Variants in KIAA1328 observed in about 807,000 individuals in gnomAD.
KIAA1328 encodes KIAA1328.
KIAA1328 carries 52 observed loss-of-function variants against 68.1 expected under a neutral mutation model. The observed-to-expected ratio is 0.76, with a 90% CI of 0.61 to 0.96. The LOEUF is 0.96. Among genes scored for constraint, KIAA1328 ranks in the 40% least tolerant of loss-of-function variants. The pLI, the probability that KIAA1328 is intolerant of heterozygous loss-of-function variation, is 0.00. For synonymous variants in KIAA1328, 232 were observed against 239.4 expected (o/e 0.97, Z 0.28); for missense variants, 641 against 677.6 (o/e 0.95, Z 0.60).
At chr18:37,038,162 G>A (rs557809277) in intron 6 of KIAA1328, among the ~76,000 whole-genome samples, 2 of 152,012 alleles carry the variant, frequency 1.3e-5, no homozygotes, top group Admixed American at 1.3e-4. Context: ...CTAGCCCACA[G>A]GTAGCCTTTT....
intron 6 of KIAA1328, among the ~76,000 whole-genome samples, chr18:36,978,214 C>T (rs2052547198): frequency 1.3e-5 from 2 of 152,204 alleles, no homozygotes; most frequent in Non-Finnish European, 2.9e-5. Flanking sequence ...TGAATTCTGA[C>T]AACTACTGTG....
intron 7 of KIAA1328, among the ~76,000 whole-genome samples, chr18:37,143,521 C>CTTTTTTTTTTTTTTTTTTTTTTT (rs57046567): frequency 1.4e-4 from 13 of 90,782 alleles, no homozygotes; most frequent in African/African-American, 2.9e-4. Context: ...TTTTTTCTTT[C>CTTTTTTTTTTTTTTTTTTTTTTT]TTTTTTTTTT....
chr18:36,832,468 A>G (rs566350455), intron 1 of KIAA1328, among the ~76,000 whole-genome samples: 1 of 151,870 alleles, frequency 6.6e-6, no homozygotes, highest in South Asian at 2.1e-4. Context: ...GGGCACCTGT[A>G]ATCCCAGCTA....
chr18:37,023,512 T>C (rs1202415330), intron 6 of KIAA1328, among the ~76,000 whole-genome samples: 1 of 152,210 alleles, frequency 6.6e-6, no homozygotes, highest in Non-Finnish European at 1.5e-5. Flanking sequence ...TTTTGGAGTT[T>C]TAGTGTCATT....
chr18:37,085,000 G>T (rs1379636267), intron 7 of KIAA1328, among the ~76,000 whole-genome samples: 3 of 152,072 alleles, frequency 2.0e-5, no homozygotes, highest in Non-Finnish European at 2.9e-5. Context: ...GCCTCAGGTT[G>T]AGACTATAAA....
At chr18:37,148,416 C>T (rs985662909) in intron 7 of KIAA1328, among the ~76,000 whole-genome samples, 15 of 152,020 alleles carry the variant, frequency 9.9e-5, no homozygotes, top group Non-Finnish European at 1.8e-4. Context: ...TTTGCTATTG[C>T]GAATAGTGCC....
chr18:36,970,777 AC>A (rs2151317690), intron 6 of KIAA1328, among the ~76,000 whole-genome samples: 1 of 152,278 alleles, frequency 6.6e-6, no homozygotes, highest in Admixed American at 6.5e-5. Context: ...AGAACTACAA[AC>A]CACTGCTCAA....
chr18:37,130,159 A>G (rs1026365881), intron 7 of KIAA1328, among the ~76,000 whole-genome samples: 4 of 152,220 alleles, frequency 2.6e-5, no homozygotes, highest in Admixed American at 2.0e-4. Context: ...AGTTTTATGT[A>G]TAATATATAG....
chr18:37,021,127 C>T (rs932145188), intron 6 of KIAA1328, among the ~76,000 whole-genome samples: 8 of 152,194 alleles, frequency 5.3e-5, no homozygotes, highest in African/African-American at 1.7e-4. Context: ...CTTTCATCTT[C>T]ATTACAAGCT....
At chr18:36,870,761 GTCAAT>G (rs1568101762) in intron 4 of KIAA1328, among the ~76,000 whole-genome samples, 1 of 152,156 alleles carries the variant, frequency 6.6e-6, no homozygotes, top group African/African-American at 2.4e-5. Flanking sequence ...TCATTCAATA[GTCAAT>G]TCAAGATCTC....
intron 4 of KIAA1328, among the ~76,000 whole-genome samples, chr18:36,872,482 A>C (rs2150934625): frequency 6.6e-6 from 1 of 152,176 alleles, no homozygotes. Context: ...GCCCACCTGA[A>C]GGGAAGTTAT....
At chr18:37,133,417 G>A (rs2058569905) in intron 7 of KIAA1328, among the ~76,000 whole-genome samples, 1 of 151,926 alleles carries the variant, frequency 6.6e-6, no homozygotes, top group African/African-American at 2.4e-5. Flanking sequence ...GTTTTTTAGG[G>A]TGATGGAATT....
chr18:36,900,583 T>C (rs1459124612), intron 5 of KIAA1328, among the ~76,000 whole-genome samples: 5 of 152,000 alleles, frequency 3.3e-5, no homozygotes, highest in South Asian at 4.1e-4. Context: ...TTAGTTTTAA[T>C]AGTAGTTATT....
intron 3 of KIAA1328, among the ~76,000 whole-genome samples, chr18:36,843,406 AGGATTACAGCT>A (rs761083145): frequency 5.9e-5 from 9 of 152,182 alleles, no homozygotes; most frequent in Non-Finnish European, 1.2e-4. Context: ...GCAAATGCCA[AGGATTACAGCT>A]CCTTCCTTTT....
rs575287499 is a variant in KIAA1328 at position 36,988,358 on chromosome 18, A to G, written c.576+28923A>G. 2.6e-5 allele frequency among the ~76,000 whole-genome samples: 4 copies of G among 152,332 alleles called. No individual in the cohort carries two copies. The South Asian group carries it at 6.2e-4, about 24-fold the overall frequency. On this transcript the variant is annotated intron_variant, in intron 6 of 9. Transcript: ENST00000280020. Reference sequence around the variant, plus strand: ...TTTTTTACATGCCTGTTAACAGGCTACAGGTAGATGTTGTGCAAACTTCAT... The same window carrying G: ...TTTTTTACATGCCTGTTAACAGGCTGCAGGTAGATGTTGTGCAAACTTCAT...
intron 5 of KIAA1328, among the ~76,000 whole-genome samples, chr18:36,890,443 G>A (rs2048646029): frequency 6.6e-6 from 1 of 152,130 alleles, no homozygotes; most frequent in Admixed American, 6.5e-5. Flanking sequence ...GGCCAAGGCA[G>A]GCGGATCACC....
intron 9 of KIAA1328, among the ~76,000 whole-genome samples, chr18:37,196,402 A>G (rs1261309361): frequency 1.3e-5 from 2 of 151,984 alleles, no homozygotes; most frequent in Non-Finnish European, 2.9e-5. Flanking sequence ...CCCATTCAGT[A>G]TATTAGTGAT....
At chr18:36,978,955 T>C (rs1334737756) in intron 6 of KIAA1328, among the ~76,000 whole-genome samples, 2 of 152,076 alleles carry the variant, frequency 1.3e-5, no homozygotes, top group Non-Finnish European at 2.9e-5. Flanking sequence ...TTGAAGCCAG[T>C]TCAAGACCAG....
At chr18:36,889,427 A>T (rs945481591) in intron 5 of KIAA1328, among the ~76,000 whole-genome samples, 2 of 152,188 alleles carry the variant, frequency 1.3e-5, no homozygotes, top group Non-Finnish European at 2.9e-5. Flanking sequence ...TATGACTCAG[A>T]TCAATGGTGA....
Sources: allele counts gnomAD v4.1 joint callset (sites outside exome capture counted in the v4.1 genomes callset), GRCh38; gene constraint gnomAD v4.1.1; transcripts MANE v1.5; gene names NCBI Gene and HGNC (gene_info 2026-07-23, HGNC 2026-07-21).